CACNB2: variants seen among roughly 807,000 people sequenced by gnomAD.
CACNB2 encodes voltage-dependent L-type calcium channel subunit beta-2.
CACNB2 carries 42 observed loss-of-function variants against 73.3 expected under a neutral mutation model. The ratio of observed to expected loss-of-function variants is 0.57; its 90% CI spans 0.45 to 0.74. The LOEUF (loss-of-function observed/expected upper bound fraction) is 0.74. CACNB2 is among the 30% of genes least tolerant of loss of function. CACNB2 has a pLI of 0.00. For missense variants in CACNB2, 940 were observed against 853.0 expected (o/e 1.10, Z -1.27); for synonymous variants, 348 against 310.3 (o/e 1.12, Z -1.28).
rs1043201265 is a variant in CACNB2, at chr10:18,388,119, G to A, written c.214-13805G>A. ...CAAACTGTCAGGCCATTTTTGCCCT[G>A]CTTGATGGAAGTTTTGCTATCATTA... On this transcript the variant is annotated intron_variant, in intron 2 of 13. Coordinates refer to ENST00000324631, the MANE Select transcript of CACNB2 (RefSeq NM_201596.3). 4.6e-5 allele frequency among the ~76,000 whole-genome samples: 7 copies of A among 152,236 alleles called. No homozygotes were observed. In the South Asian group the frequency reaches 1.2e-3, roughly 27 times the overall value.
chr10:18,481,205 TA>T lies in CACNB2; in HGVS notation c.334-17149del, dbSNP rs2048716473. Among the ~76,000 whole-genome samples the T allele has an allele frequency of 4.5e-3, 53 of 11,832 alleles. 1 individual carries two copies. Among genetic ancestry groups the T allele is most frequent in the Non-Finnish European group, 8.9e-3 (47 of 5,272 alleles). The allele number at this position is 11,832 out of a possible 152,430, so 7.8% of individuals were successfully genotyped here. On this transcript the variant is annotated intron_variant, in intron 3 of 13. Transcript: ENST00000324631. ...ATTACATCTTCGCTATATATATATATATATATATATATATATATATATATAT... is the reference window on the plus strand; with the variant it reads ...ATTACATCTTCGCTATATATATATATTATATATATATATATATATATATAT...
intron 4 of CACNB2, 35 bp downstream of exon 4, chr10:18,498,512 T>C: frequency 6.2e-7 from 1 of 1,608,256 alleles, no homozygotes; most frequent in Non-Finnish European, 8.5e-7. Context: ...AACAGCATGA[T>C]GTTTCACCTT....
At chr10:18,370,482 T>G (rs921467990) in intron 2 of CACNB2, among the ~76,000 whole-genome samples, 1 of 152,188 alleles carries the variant, frequency 6.6e-6, no homozygotes, top group Non-Finnish European at 1.5e-5. Context: ...GTATTTTTAG[T>G]AGAGACAGGG....
chr10:18,329,631 G>A (rs1372737625), intron 2 of CACNB2, among the ~76,000 whole-genome samples: 1 of 151,984 alleles, frequency 6.6e-6, no homozygotes, highest in Non-Finnish European at 1.5e-5. Flanking sequence ...TAGAAAGTTG[G>A]ATTAATCTCA....
intron 2 of CACNB2, among the ~76,000 whole-genome samples, chr10:18,220,058 C>T (rs531199071): frequency 1.4e-5 from 2 of 143,496 alleles, no homozygotes; most frequent in Admixed American, 7.2e-5. Context: ...TGAGCCACCA[C>T]CCCTGGCCAA....
At chr10:18,326,481 G>T (rs767463407) in intron 2 of CACNB2, among the ~76,000 whole-genome samples, 4 of 152,162 alleles carry the variant, frequency 2.6e-5, no homozygotes, top group Non-Finnish European at 5.9e-5. Context: ...GAGAAGGAGC[G>T]GGTGGAAGTA....
At chr10:18,407,109 C>CTTTTTTTTTGTTTTTTTTTTTTT (rs2044334217) in intron 3 of CACNB2, among the ~76,000 whole-genome samples, 1 of 35,572 alleles carries the variant, frequency 2.8e-5, no homozygotes, top group Non-Finnish European at 5.2e-5. Context: ...GCTGTTCTGT[C>CTTTTTTTTTGTTTTTTTTTTTTT]TTTTTTTTTT....
chr10:18,278,861 C>G (rs2038414323), intron 2 of CACNB2, among the ~76,000 whole-genome samples: 2 of 151,958 alleles, frequency 1.3e-5, no homozygotes, highest in African/African-American at 4.8e-5. Context: ...ACAAAAAATA[C>G]AAAAATTAGC....
chr10:18,467,015 A>C (rs915377019), intron 3 of CACNB2, among the ~76,000 whole-genome samples: 3 of 152,006 alleles, frequency 2.0e-5, no homozygotes, highest in African/African-American at 7.2e-5. Context: ...TTAGCCGGGC[A>C]TGGTGGCAGG....
In CACNB2 at chr10:18,366,714, C is replaced by T. The variant is rs192194526; in HGVS notation, c.214-35210C>T. On this transcript the variant is annotated intron_variant, in intron 2 of 13. Coordinates refer to ENST00000324631, the MANE Select transcript of CACNB2 (RefSeq NM_201596.3). ...AAATTAGCCGGAAATCACTTGAACT[C>T]GGGAGGCAGAGGTTGCAGCGAGCGG... Among the ~76,000 whole-genome samples, 161 of 151,836 alleles carry T rather than the reference C, an allele frequency of 1.1e-3. 1 individual carries two copies. The highest frequency in any genetic ancestry group is 6.8e-3 in the Middle Eastern group (2 of 292).
At chr10:18,265,707 A>G (rs909156501) in intron 2 of CACNB2, among the ~76,000 whole-genome samples, 2 of 151,360 alleles carry the variant, frequency 1.3e-5, no homozygotes, top group African/African-American at 4.8e-5. Context: ...TTTCTCACCC[A>G]TATAATCAGG....
intron 2 of CACNB2, among the ~76,000 whole-genome samples, chr10:18,252,430 G>A (rs1301596813): frequency 6.6e-6 from 1 of 152,178 alleles, no homozygotes; most frequent in East Asian, 1.9e-4. Flanking sequence ...TTGGCTGCTC[G>A]AAAGCTTACA....
intron 3 of CACNB2, among the ~76,000 whole-genome samples, chr10:18,433,502 A>G (rs1357171077): frequency 6.6e-6 from 1 of 152,156 alleles, no homozygotes; most frequent in African/African-American, 2.4e-5. Context: ...TGTTTCTGCA[A>G]CTCAGAAGCT....
intron 2 of CACNB2, among the ~76,000 whole-genome samples, chr10:18,244,069 A>G (rs76552117): frequency 0.078 from 11,863 of 152,224 alleles, 464 homozygotes; most frequent in Middle Eastern, 0.092. Flanking sequence ...CAATGTGGCA[A>G]GGAAGATGTT....
At chr10:18,372,558 C>G (rs2042632848) in intron 2 of CACNB2, among the ~76,000 whole-genome samples, 1 of 152,122 alleles carries the variant, frequency 6.6e-6, no homozygotes, top group Admixed American at 6.6e-5. Flanking sequence ...AGATGTCCGC[C>G]ACTATGCCTG....
intron 2 of CACNB2, among the ~76,000 whole-genome samples, chr10:18,326,787 T>A (rs797016898): frequency 8.5e-5 from 13 of 152,302 alleles, no homozygotes; most frequent in African/African-American, 2.9e-4. Flanking sequence ...AGTACAGTGG[T>A]GTGATCAGGG....
intron 2 of CACNB2, among the ~76,000 whole-genome samples, chr10:18,202,532 A>G (rs1197611948): frequency 6.6e-6 from 1 of 152,178 alleles, no homozygotes; most frequent in Non-Finnish European, 1.5e-5. Flanking sequence ...AAAACTTCAC[A>G]TTCTCATCTG....
intron 2 of CACNB2, among the ~76,000 whole-genome samples, chr10:18,327,528 G>A (rs565775303): frequency 1.6e-4 from 24 of 152,232 alleles, no homozygotes; most frequent in African/African-American, 5.1e-4. Context: ...GGACTCAAGC[G>A]AGTCTCCTGC....
intron 2 of CACNB2, among the ~76,000 whole-genome samples, chr10:18,336,428 G>A (rs2041007882): frequency 6.6e-6 from 1 of 152,130 alleles, no homozygotes; most frequent in Admixed American, 6.6e-5. Flanking sequence ...AGACCAGCCT[G>A]GCCAATATGG....
Sources: allele counts gnomAD v4.1 joint callset (sites outside exome capture counted in the v4.1 genomes callset), GRCh38; gene constraint gnomAD v4.1.1; transcripts MANE v1.5; gene names NCBI Gene and HGNC (gene_info 2026-07-23, HGNC 2026-07-21).